The following ZNF92 variants were observed in gnomAD, a reference collection of about 807,000 sequenced individuals.
ZNF92 encodes the protein zinc finger protein 92, also known as epididymis luminal protein 203.
A neutral mutation model predicts 12.4 loss-of-function variants in ZNF92; 11 were observed. The observed-to-expected ratio is 0.89, with a 90% CI of 0.56 to 1.47. ZNF92 has a LOEUF of 1.47. ZNF92 is among the 40% of genes most tolerant of loss of function. ZNF92 has a pLI of 0.00. For synonymous variants in ZNF92, 206 were observed against 228.6 expected (o/e 0.90, Z 0.89); for missense variants, 622 against 681.0 (o/e 0.91, Z 0.96).
At chr7:65,395,019 C>T (rs1319330301) in intron 3 of ZNF92, among the ~76,000 whole-genome samples, 1 of 152,076 alleles carries the variant, frequency 6.6e-6, no homozygotes, top group African/African-American at 2.4e-5. Flanking sequence ...TCTTTTAATT[C>T]CTAGTTTCTT....
intron 3 of ZNF92, among the ~76,000 whole-genome samples, chr7:65,394,993 GT>G (rs1793810347): frequency 6.6e-6 from 1 of 152,070 alleles, no homozygotes; most frequent in African/African-American, 2.4e-5. Context: ...TGAAGAATGT[GT>G]TTTATTTTCA....
In ZNF92 at chr7:65,398,966, C is replaced by G. The variant is rs771819881; in HGVS notation, c.852C>G (p.Pro284=). 66 of 1,612,926 alleles carry G rather than the reference C, an allele frequency of 4.1e-5. No homozygotes were observed. Among genetic ancestry groups the G allele is most frequent in the Non-Finnish European group, 5.4e-5 (64 of 1,179,704 alleles). The part of the protein sequence containing the change: ...KHKRIHTEEK[P]YKCEECGKAF... ...AAAGAATTCATACAGAAGAGAAACC[C>G]TACAAATGTGAAGAATGTGGCAAGG... Residue 284 remains proline, a synonymous_variant, in exon 4 of 4, where the codon CCC becomes CCG. Transcript: ENST00000328747.
chr7:65,397,010 C>CA (rs1793862439), intron 3 of ZNF92, among the ~76,000 whole-genome samples: 1 of 149,532 alleles, frequency 6.7e-6, no homozygotes, highest in Non-Finnish European at 1.5e-5. Flanking sequence ...CTCTGTACTA[C>CA]TTTTTTTTTT....
At position 65,388,805 on chromosome 7, in the gene ZNF92, G is replaced by A; in HGVS notation, c.131-1G>A. 1 of 1,573,160 alleles carries A rather than the reference G, an allele frequency of 6.4e-7. No individual in the cohort carries two copies. Among genetic ancestry groups the A allele is most frequent in the Non-Finnish European group, 8.7e-7 (1 of 1,155,996 alleles). On this transcript the variant is annotated splice_acceptor_variant, in intron 2 of 3. Coordinates refer to ENST00000328747, the MANE Select transcript of ZNF92 (RefSeq NM_152626.4). LOFTEE classifies it high-confidence loss of function. ...TATGTTATTTATTTTTAATAAAACA[G>A]GTATTGCTGTCTCTAAGCCAGACCT... is the stretch of plus-strand genomic sequence containing the variant.
In ZNF92 at chr7:65,374,018, C is replaced by T; in HGVS notation, c.3+18C>T. 1 of 1,614,100 alleles carries T rather than the reference C, an allele frequency of 6.2e-7. No individual in the cohort carries two copies. Among genetic ancestry groups the T allele is most frequent in the Non-Finnish European group, 8.5e-7 (1 of 1,180,002 alleles). ...TAGAAATGGTGAGCCTGCTGGGTCC[C>T]ACATCCCGAGAGAGGGGGAGGGTCT... On this transcript the variant is annotated intron_variant, in intron 1 of 3. Transcript: ENST00000328747.
chr7:65,374,832 A>G (rs143965833), intron 1 of ZNF92, among the ~76,000 whole-genome samples: 1 of 151,902 alleles, frequency 6.6e-6, no homozygotes. Context: ...CAGTTTTCAC[A>G]TGTGTCCCAA....
At chr7:65,382,454 A>G (rs939748020) in intron 1 of ZNF92, among the ~76,000 whole-genome samples, 2 of 152,044 alleles carry the variant, frequency 1.3e-5, no homozygotes, top group Non-Finnish European at 2.9e-5. Context: ...CAGTCAACTC[A>G]TGATTGTGCT....
At chr7:65,394,067 A>C (rs1181212538) in intron 3 of ZNF92, among the ~76,000 whole-genome samples, 2 of 151,866 alleles carry the variant, frequency 1.3e-5, no homozygotes, top group Non-Finnish European at 2.9e-5. Flanking sequence ...TTGATGTGTA[A>C]AAATTTTGAA....
In ZNF92 at chr7:65,401,046, G is replaced by T. The variant is rs897251420; in HGVS notation, c.*1171G>T. 4 of 151,996 alleles carry T rather than the reference G, an allele frequency of 2.6e-5. No homozygotes were observed. Among genetic ancestry groups the T allele is most frequent in the African/African-American group, 9.7e-5 (4 of 41,418 alleles). 9.4% of individuals were successfully genotyped at this position (151,996 alleles called of 1,614,324 possible). On this transcript the variant is annotated 3_prime_UTR_variant, in exon 4 of 4. Transcript: ENST00000328747. ...AAAATTAATTATCATTTTGTTGATT[G>T]TGCTTTTATGTAATAAAATGCAGTA...
At position 65,398,944 on chromosome 7, in the gene ZNF92, GA is replaced by G. The variant is rs753777248; in HGVS notation, c.832del (p.Ile278PhefsTer56). On this transcript the variant is annotated frameshift_variant, in exon 4 of 4. Transcript: ENST00000328747. LOFTEE classifies it low-confidence loss of function (END_TRUNC). ...NRSSTLTKHK[R>X]IHTEEKPYKC... ...TCCTCAACCCTTACTAAACATAAAA[GA>G]ATTCATACAGAAGAGAAACCCTACA... The G allele has an allele frequency of 6.2e-7, 1 of 1,611,154 alleles. No homozygotes were observed. The highest frequency in any genetic ancestry group is 1.7e-5 in the Admixed American group (1 of 59,760).
At chr7:65,389,917 C>T (rs1420185667) in intron 3 of ZNF92, among the ~76,000 whole-genome samples, 4 of 151,466 alleles carry the variant, frequency 2.6e-5, no homozygotes, top group East Asian at 2.0e-4. Flanking sequence ...CTGCAAGCTC[C>T]GCCTCCCGAG....
chr7:65,396,284 GAT>G (rs940749687), intron 3 of ZNF92, among the ~76,000 whole-genome samples: 10 of 151,954 alleles, frequency 6.6e-5, no homozygotes, highest in Non-Finnish European at 1.2e-4. Flanking sequence ...GTGTTTTTTA[GAT>G]ATGTTTTTTC....
chr7:65,399,299 A>G lies in ZNF92; in HGVS notation c.1185A>G (p.Lys395=). The G allele has an allele frequency of 1.2e-6, 2 of 1,612,932 alleles. No individual in the cohort carries two copies. Among genetic ancestry groups the G allele is most frequent in the Non-Finnish European group, 1.7e-6 (2 of 1,179,496 alleles). ...ATAAAAGAATTCATACGGGAGAAAAACCCTACAAATGTGAAGAATGTGGCA... is the reference window on the plus strand; with the variant it reads ...ATAAAAGAATTCATACGGGAGAAAAGCCCTACAAATGTGAAGAATGTGGCA... The part of the protein sequence containing the change: ...TKHKRIHTGE[K]PYKCEECGKA... Residue 395 remains lysine (K), a synonymous_variant, in exon 4 of 4, where the codon AAA becomes AAG. Transcript: ENST00000328747.
intron 3 of ZNF92, among the ~76,000 whole-genome samples, chr7:65,393,721 G>A (rs770465684): frequency 2.6e-4 from 39 of 148,354 alleles, no homozygotes; most frequent in Non-Finnish European, 4.9e-4. Context: ...GTTTTTCATT[G>A]TGCTTTTTAT....
chr7:65,380,060 C>T (rs1400933615), intron 1 of ZNF92, among the ~76,000 whole-genome samples: 1 of 152,002 alleles, frequency 6.6e-6, no homozygotes, highest in Non-Finnish European at 1.5e-5. Context: ...TGTTTTTCCT[C>T]TTATTGTCTC....
Position 65,381,157 on chromosome 7 carries a change from C to T in ZNF92, c.4-6745C>T, listed in dbSNP as rs1034740467. Among the ~76,000 whole-genome samples, 8 of 151,844 alleles carry T rather than the reference C, an allele frequency of 5.3e-5. 1 individual carries two copies. The highest frequency in any genetic ancestry group is 2.1e-4 in the South Asian group (1 of 4,806). On this transcript the variant is annotated intron_variant, in intron 1 of 3. Coordinates refer to ENST00000328747, the MANE Select transcript of ZNF92 (RefSeq NM_152626.4). Reference sequence around the variant, plus strand: ...TCCCAAGTAGCTGGGATTACAGGCACGCCCCACCATGCCTGACTAATTTTT... The same window carrying T: ...TCCCAAGTAGCTGGGATTACAGGCATGCCCCACCATGCCTGACTAATTTTT...
At chr7:65,381,423 G>A (rs1395193421) in intron 1 of ZNF92, among the ~76,000 whole-genome samples, 1 of 151,538 alleles carries the variant, frequency 6.6e-6, no homozygotes, top group African/African-American at 2.4e-5. Context: ...TTAGACCTTT[G>A]TCAGAAGCAT....
At chr7:65,383,375 A>T (rs1274114226) in intron 1 of ZNF92, among the ~76,000 whole-genome samples, 1 of 152,148 alleles carries the variant, frequency 6.6e-6, no homozygotes, top group Non-Finnish European at 1.5e-5. Flanking sequence ...CCCATCTAGA[A>T]TCTTCACATG....
At position 65,398,325 on chromosome 7, in the gene ZNF92, T is replaced by C. The variant is rs1793897006; in HGVS notation, c.227-16T>C. The C allele has an allele frequency of 6.6e-7, 1 of 1,504,062 alleles. No homozygotes were observed. Among genetic ancestry groups the C allele is most frequent in the African/African-American group, 1.4e-5 (1 of 71,492 alleles). The allele number at this position is 1,504,062 out of a possible 1,614,324, so 93.2% of individuals were successfully genotyped here. ...GTCTAGTAAGTGAAGTAACTTGTTA[T>C]TTTTATTTTTTTCAGTTATGTGTTC... is the stretch of plus-strand genomic sequence containing the variant. On this transcript the variant is annotated splice_polypyrimidine_tract_variant and intron_variant, in intron 3 of 3. Transcript: ENST00000328747.
Sources: allele counts gnomAD v4.1 joint callset (sites outside exome capture counted in the v4.1 genomes callset), GRCh38; gene constraint gnomAD v4.1.1; transcripts MANE v1.5; gene names NCBI Gene and HGNC (gene_info 2026-07-23, HGNC 2026-07-21).